The following NPAS1 variants were observed in gnomAD, a reference collection of about 807,000 sequenced individuals.
NPAS1 encodes neuronal PAS domain-containing protein 1.
A neutral mutation model predicts 49.2 loss-of-function variants in NPAS1; 29 were observed. That is an observed-to-expected ratio of 0.59 (90% CI 0.44 to 0.80). NPAS1 has a LOEUF of 0.80. NPAS1 is among the 30% of genes least tolerant of loss of function. The probability of loss-of-function intolerance (pLI) is 0.00; values close to 1 mark genes in which losing one functional copy is unlikely to be tolerated. For missense variants in NPAS1, 825 were observed against 835.5 expected (o/e 0.99, Z 0.15); for synonymous variants, 408 against 380.4 (o/e 1.07, Z -0.84).
intron 6 of NPAS1, 43 bp downstream of exon 6, chr19:47,036,172 C>G (rs1372673816): frequency 1.3e-6 from 2 of 1,535,584 alleles, no homozygotes; most frequent in African/African-American, 1.4e-5. Flanking sequence ...GAGGGTAGAT[C>G]GGGGGACGCC....
chr19:47,020,308 G>A (rs1317227522), intron 1 of NPAS1, among the ~76,000 whole-genome samples: 2 of 151,964 alleles, frequency 1.3e-5, no homozygotes, highest in African/African-American at 4.8e-5. Flanking sequence ...AGGAGACCAG[G>A]ACACCTGGGC....
chr19:47,045,582 C>T lies in NPAS1; in HGVS notation c.1704C>T (p.Ala568=), dbSNP rs2057070459. Reference sequence around the variant, plus strand: ...GTCCGGGCCCCGCGCTCCCGGAGGCCTTTTACCCGCCCCTGGGCCTGCCCT... The same window carrying T: ...GTCCGGGCCCCGCGCTCCCGGAGGCTTTTTACCCGCCCCTGGGCCTGCCCT... ...RLGPGPALPE[A]FYPPLGLPYP... Residue 568 remains alanine, a synonymous_variant, in exon 12 of 12, where the codon GCC becomes GCT. Coordinates refer to ENST00000602212, the MANE Select transcript of NPAS1 (RefSeq NM_002517.4). The T allele has an allele frequency of 2.0e-6, 3 of 1,484,508 alleles. No homozygotes were observed. Among genetic ancestry groups the T allele is most frequent in the Non-Finnish European group, 1.8e-6 (2 of 1,127,658 alleles). 92.0% of individuals were successfully genotyped at this position (1,484,508 alleles called of 1,614,324 possible). A position where few individuals can be genotyped will look rare whatever the true frequency, so the allele number is the denominator to read the frequency against.
chr19:47,021,178 A>G lies in NPAS1; in HGVS notation c.122+9A>G, dbSNP rs980576253. 6.5e-7 allele frequency: 1 copy of G among 1,541,432 alleles called. No homozygotes were observed. On this transcript the variant is annotated intron_variant, in intron 2 of 11. Transcript: ENST00000602212. The surrounding 1 kb of genome is among the most constrained non-coding windows in gnomAD (Gnocchi z 5.7). Reference sequence around the variant, plus strand: ...GCGCCGTCCGGACCGTGGTGAGCAAAGCCCCGCCCCCCTGGCCGCGGGCCC... The same window carrying G: ...GCGCCGTCCGGACCGTGGTGAGCAAGGCCCCGCCCCCCTGGCCGCGGGCCC...
intron 3 of NPAS1, among the ~76,000 whole-genome samples, chr19:47,025,231 AC>A (rs2056864074): frequency 1.5e-5 from 2 of 135,676 alleles, no homozygotes; most frequent in South Asian, 4.6e-4. Context: ...ATGAAGGCTT[AC>A]TAAATTGTTG....
chr19:47,025,106 T>G (rs1406165027), intron 3 of NPAS1, among the ~76,000 whole-genome samples: 1 of 135,380 alleles, frequency 7.4e-6, no homozygotes, highest in African/African-American at 2.5e-5. Flanking sequence ...TTTACAGCCT[T>G]CTTTCTTCCC....
chr19:47,020,718 G>T (rs995910989), intron 1 of NPAS1, among the ~76,000 whole-genome samples: 26 of 150,926 alleles, frequency 1.7e-4, no homozygotes, highest in African/African-American at 6.3e-4. Context: ...CCGTATGCGC[G>T]CCGCGTGCGC....
Position 47,021,785 on chromosome 19 carries a change from G to T in NPAS1, c.296G>T (p.Arg99Leu), listed in dbSNP as rs2122423081. ...AGCGTCACCTACCTCCGCCTGCGCC[G>T]GTTCGCCGCGCTGGGGGCGCCGCCC... Reference protein sequence around the residue: ...RLSVTYLRLRRFAALGAPPWG... With the variant: ...RLSVTYLRLRLFAALGAPPWG... Residue 99 changes from arginine to leucine, a missense_variant, in exon 3 of 12, where the codon CGG (arginine) becomes CTG (leucine). Coordinates refer to ENST00000602212, the MANE Select transcript of NPAS1 (RefSeq NM_002517.4). This position sits in a 1 kb window ranked among gnomAD's most constrained non-coding sequence, Gnocchi z 5.7. 6.5e-7 allele frequency: 1 copy of T among 1,532,370 alleles called. No individual in the cohort carries two copies. The highest frequency in any genetic ancestry group is 8.8e-7 in the Non-Finnish European group (1 of 1,140,480). 94.9% of individuals were successfully genotyped at this position (1,532,370 alleles called of 1,614,324 possible).
At chr19:47,028,085 C>T (rs944974247) in intron 3 of NPAS1, among the ~76,000 whole-genome samples, 5 of 151,956 alleles carry the variant, frequency 3.3e-5, no homozygotes, top group African/African-American at 1.2e-4. Flanking sequence ...CCAAGCCCCC[C>T]CACCACCACA....
In NPAS1 at chr19:47,025,167, G is replaced by C. The variant is rs961697971; in HGVS notation, c.358+3320G>C. Among the ~76,000 whole-genome samples the C allele has an allele frequency of 1.5e-5, 2 of 135,874 alleles. 1 individual carries two copies. Among genetic ancestry groups the C allele is most frequent in the Non-Finnish European group, 3.3e-5 (2 of 60,168 alleles). The allele number at this position is 135,874 out of a possible 152,430, so 89.1% of individuals were successfully genotyped here. On this transcript the variant is annotated intron_variant, in intron 3 of 11. Transcript: ENST00000602212. ...CTCTGTATTTATCTTGTTATTTTGT[G>C]TCATTCACCAACAGCCTCTTGGTTG...
chr19:47,030,119 G>A (rs1057497432), intron 3 of NPAS1, among the ~76,000 whole-genome samples: 1 of 152,152 alleles, frequency 6.6e-6, no homozygotes, highest in Non-Finnish European at 1.5e-5. Flanking sequence ...CACCTCCTGG[G>A]TTCAAGGGAT....
Position 47,045,684 on chromosome 19 carries a change from G to T in NPAS1, c.*33G>T. 1 of 1,379,486 alleles carries T rather than the reference G, an allele frequency of 7.2e-7. No homozygotes were observed. The highest frequency in any genetic ancestry group is 1.6e-5 in the South Asian group (1 of 63,370). 85.5% of individuals were successfully genotyped at this position (1,379,486 alleles called of 1,614,324 possible). A position where few individuals can be genotyped will look rare whatever the true frequency, so the allele number is the denominator to read the frequency against. ...CAGAGCTGCCGGCGCCGGACCCTGC[G>T]ACAACCGGGGTCCCCCAGGACAGTA... is the stretch of plus-strand genomic sequence containing the variant. On this transcript the variant is annotated 3_prime_UTR_variant, in exon 12 of 12. Transcript: ENST00000602212.
At chr19:47,045,098 A>G in intron 11 of NPAS1, 93 bp from the exon 12 acceptor site, 1 of 1,200,326 alleles carries the variant, frequency 8.3e-7, no homozygotes, top group Non-Finnish European at 1.2e-6. Context: ...GCTGAGAACT[A>G]CAGGTCTGGC....
intron 3 of NPAS1, among the ~76,000 whole-genome samples, chr19:47,025,575 G>T (rs757178346): frequency 4.6e-5 from 7 of 151,724 alleles, no homozygotes; most frequent in African/African-American, 7.3e-5. Context: ...ACCGCACCCA[G>T]CCCTTTTTAA....
rs185893009 is a variant in NPAS1 at position 47,043,182 on chromosome 19, G to C, written c.1312+278G>C. Among the ~76,000 whole-genome samples the C allele has an allele frequency of 2.1e-5, 3 of 144,168 alleles. No individual in the cohort carries two copies. The Admixed American group carries it at 2.2e-4, about 11-fold the overall frequency. The allele number at this position is 144,168 out of a possible 152,430, so 94.6% of individuals were successfully genotyped here. The stretch of plus-strand genomic sequence containing the variant: ...GTGGTGGCATGCGCCTGTAATCCCA[G>C]CTACTTGAAAGGCTGAGGCAGGAGA... On this transcript the variant is annotated intron_variant, in intron 11 of 11. Coordinates refer to ENST00000602212, the MANE Select transcript of NPAS1 (RefSeq NM_002517.4).
chr19:47,044,433 G>A (rs1020931235), intron 11 of NPAS1, among the ~76,000 whole-genome samples: 2 of 152,190 alleles, frequency 1.3e-5, no homozygotes, highest in Non-Finnish European at 2.9e-5. Context: ...GCCACATATT[G>A]CATGCACAGT....
chr19:47,027,357 T>TCTGCCCCAGGTCCCCCCTCG (rs2056878275), intron 3 of NPAS1, among the ~76,000 whole-genome samples: 1 of 77,402 alleles, frequency 1.3e-5, no homozygotes. Context: ...GTCCCCCCTC[T>TCTGCCCCAGGTCCCCCCTCG]CTCTGCCCCA....
intron 3 of NPAS1, among the ~76,000 whole-genome samples, chr19:47,025,895 A>G (rs574228299): frequency 1.3e-4 from 20 of 150,884 alleles, no homozygotes; most frequent in African/African-American, 4.9e-4. Context: ...TTCTTAGCTC[A>G]TAGGTCAGGC....
intron 6 of NPAS1, among the ~76,000 whole-genome samples, chr19:47,036,391 G>A (rs2056956278): frequency 6.6e-6 from 1 of 152,204 alleles, no homozygotes; most frequent in Non-Finnish European, 1.5e-5. Flanking sequence ...AAATAACAAG[G>A]CAGGCTTATT....
Position 47,042,796 on chromosome 19 carries a change from C to T in NPAS1, c.1218-14C>T. 6.3e-7 allele frequency: 1 copy of T among 1,597,758 alleles called. No homozygotes were observed. The highest frequency in any genetic ancestry group is 1.1e-5 in the South Asian group (1 of 88,626). On this transcript the variant is annotated splice_polypyrimidine_tract_variant and intron_variant, in intron 10 of 11. Transcript: ENST00000602212. ...AGGACCCCTGGCTCCTAACCGCATC[C>T]ATCTTCTCCCCAGCCAAGCCGAGGG...
Sources: gnomAD v4.1 joint callset for allele counts (sites outside exome capture counted in the v4.1 genomes callset) on GRCh38, gnomAD v4.1.1 for gene constraint, Gnocchi (gnomAD v3.1) non-coding constraint, MANE v1.5 for transcripts, NCBI Gene and HGNC (gene_info 2026-07-23, HGNC 2026-07-21) for gene names.